The following ACAP2 variants were observed in gnomAD, a reference collection of about 807,000 sequenced individuals.
ACAP2 encodes the protein ArfGAP with coiled-coil, ankyrin repeat and PH domains 2, also known as arf-GAP with coiled-coil, ANK repeat and PH domain-containing protein 2.
A neutral mutation model predicts 115.8 loss-of-function variants in ACAP2; 39 were observed. The observed-to-expected ratio is 0.34, with a 90% CI of 0.26 to 0.44. The LOEUF (loss-of-function observed/expected upper bound fraction) is 0.44, where lower values mean the gene tolerates loss of function less well. Among genes scored for constraint, ACAP2 ranks in the 20% least tolerant of loss-of-function variants. ACAP2 has a pLI of 1.00. For missense variants in ACAP2, 662 were observed against 927.6 expected (o/e 0.71, Z 3.72); for synonymous variants, 289 against 315.8 (o/e 0.92, Z 0.90).
In ACAP2 at chr3:195,376,569, A is replaced by G. The variant is rs113273093; in HGVS notation, c.285+4440T>C. On this transcript the variant is annotated intron_variant, in intron 4 of 22. Transcript: ENST00000326793. ...CAAAAACAACAACAACAACAAAAAC[A>G]TATGAGTTAAAGAGAAACCTAGGAT... is the stretch of plus-strand genomic sequence containing the variant. Among the ~76,000 whole-genome samples, 407 of 152,256 alleles carry G rather than the reference A, an allele frequency of 2.7e-3. 1 individual carries two copies. Among genetic ancestry groups the G allele is most frequent in the Non-Finnish European group, 4.6e-3 (315 of 68,016 alleles).
intron 4 of ACAP2, among the ~76,000 whole-genome samples, chr3:195,364,537 C>T (rs1732586197): frequency 6.6e-6 from 1 of 152,066 alleles, no homozygotes; most frequent in South Asian, 2.1e-4. Flanking sequence ...CGCCACTCTA[C>T]TCCAGCCTGG....
intron 1 of ACAP2, chr3:195,419,632 C>T (rs984030126): frequency 6.6e-6 from 1 of 152,106 alleles, no homozygotes; most frequent in African/African-American, 2.4e-5. Context: ...TGTCCTGGTC[C>T]CAAGCTAGCA....
chr3:195,413,961 T>A (rs1193668110), intron 1 of ACAP2, among the ~76,000 whole-genome samples: 1 of 147,022 alleles, frequency 6.8e-6, no homozygotes, highest in Non-Finnish European at 1.5e-5. Flanking sequence ...GGCAACAGAA[T>A]GAGACCCTGT....
chr3:195,309,899 A>G (rs1728652036), intron 10 of ACAP2, among the ~76,000 whole-genome samples: 1 of 152,222 alleles, frequency 6.6e-6, no homozygotes, highest in Non-Finnish European at 1.5e-5. Flanking sequence ...CTAATTTATT[A>G]AAACAATAAA....
chr3:195,376,530 G>C (rs1368177459), intron 4 of ACAP2, among the ~76,000 whole-genome samples: 2 of 152,042 alleles, frequency 1.3e-5, no homozygotes, highest in African/African-American at 4.8e-5. Flanking sequence ...GAGAGAAAGC[G>C]AGACTCCATT....
intron 1 of ACAP2, among the ~76,000 whole-genome samples, chr3:195,418,159 C>T (rs954630525): frequency 1.6e-4 from 25 of 152,276 alleles, no homozygotes; most frequent in African/African-American, 6.0e-4. Context: ...CTGTACTTCA[C>T]GTTGGTAATT....
At chr3:195,358,269 A>C (rs1732121529) in intron 4 of ACAP2, among the ~76,000 whole-genome samples, 1 of 152,206 alleles carries the variant, frequency 6.6e-6, no homozygotes, top group Admixed American at 6.5e-5. Flanking sequence ...GGATGAGTAC[A>C]AACAAGCCCA....
At chr3:195,290,849 T>TAATA (rs370263101) in intron 20 of ACAP2, among the ~76,000 whole-genome samples, 68,114 of 133,478 alleles carry the variant, frequency 0.51, 17,734 homozygotes, top group Middle Eastern at 0.64. Context: ...AATAAATAAA[T>TAATA]AATAAATAAA....
At chr3:195,343,537 C>G (rs915517948) in intron 5 of ACAP2, among the ~76,000 whole-genome samples, 2 of 152,178 alleles carry the variant, frequency 1.3e-5, no homozygotes, top group African/African-American at 2.4e-5. Flanking sequence ...GCGATCCTCA[C>G]ACCTCATGCC....
intron 17 of ACAP2, 96 bp from the exon 18 acceptor site, chr3:195,294,907 A>G (rs556276235): frequency 4.3e-6 from 3 of 694,412 alleles, no homozygotes; most frequent in East Asian, 3.2e-5. Flanking sequence ...TTACACATCA[A>G]CATGAACTCA....
chr3:195,391,812 T>C (rs1416563720), intron 2 of ACAP2, among the ~76,000 whole-genome samples: 2 of 151,892 alleles, frequency 1.3e-5, no homozygotes, highest in Non-Finnish European at 2.9e-5. Flanking sequence ...CTGGCCAACA[T>C]GGGAAACCCT....
At chr3:195,304,980 AC>A (rs1728328604) in intron 13 of ACAP2, among the ~76,000 whole-genome samples, 1 of 151,974 alleles carries the variant, frequency 6.6e-6, no homozygotes, top group African/African-American at 2.4e-5. Context: ...CTGATGCCCA[AC>A]TCCATTCAAG....
chr3:195,342,046 T>C (rs944113784), intron 6 of ACAP2, among the ~76,000 whole-genome samples: 6 of 152,104 alleles, frequency 3.9e-5, no homozygotes, highest in African/African-American at 1.2e-4. Context: ...GGGTACAATG[T>C]ATACTACTGG....
At chr3:195,429,003 G>A (rs1241187397) in intron 1 of ACAP2, among the ~76,000 whole-genome samples, 2 of 152,140 alleles carry the variant, frequency 1.3e-5, no homozygotes, top group Non-Finnish European at 2.9e-5. Context: ...TATTCACAAT[G>A]ATCAAACAAT....
chr3:195,429,249 G>T (rs529063991), intron 1 of ACAP2, among the ~76,000 whole-genome samples: 61 of 151,888 alleles, frequency 4.0e-4, no homozygotes, highest in Non-Finnish European at 7.8e-4. Context: ...TTAGTCGGGT[G>T]TGGTGGTGTG....
At chr3:195,281,380 G>A (rs560244843) in intron 22 of ACAP2, among the ~76,000 whole-genome samples, 2 of 152,006 alleles carry the variant, frequency 1.3e-5, no homozygotes, top group Non-Finnish European at 2.9e-5. Context: ...ACTCCAGCCT[G>A]GGCAACAGAG....
At chr3:195,289,570 G>T in intron 20 of ACAP2, among the ~76,000 whole-genome samples, 1 of 152,042 alleles carries the variant, frequency 6.6e-6, no homozygotes, top group East Asian at 1.9e-4. Flanking sequence ...GGAGGCCAAG[G>T]TGTGCGGATC....
intron 4 of ACAP2, among the ~76,000 whole-genome samples, chr3:195,366,284 T>C (rs1005523497): frequency 6.6e-6 from 1 of 152,228 alleles, no homozygotes; most frequent in Non-Finnish European, 1.5e-5. Context: ...TGAAGAAACA[T>C]AGGCTGCTTC....
At chr3:195,363,252 C>A (rs1732489202) in intron 4 of ACAP2, among the ~76,000 whole-genome samples, 2 of 152,074 alleles carry the variant, frequency 1.3e-5, no homozygotes, top group South Asian at 4.1e-4. Flanking sequence ...GAAAGATCTC[C>A]ACAATTAAAA....
Sources: gnomAD v4.1 joint callset for allele counts (sites outside exome capture counted in the v4.1 genomes callset) on GRCh38, gnomAD v4.1.1 for gene constraint, MANE v1.5 for transcripts, NCBI Gene and HGNC (gene_info 2026-07-23, HGNC 2026-07-21) for gene names.